Variants in GALNT13 observed in about 807,000 individuals in gnomAD.
The protein encoded by GALNT13 is polypeptide N-acetylgalactosaminyltransferase 13.
GALNT13 carries 28 observed loss-of-function variants against 64.2 expected under a neutral mutation model. The ratio of observed to expected loss-of-function variants is 0.44; its 90% confidence interval spans 0.32 to 0.60. GALNT13 has a LOEUF of 0.60. Among genes scored for constraint, GALNT13 ranks in the 20% least tolerant of loss-of-function variants. GALNT13 has a pLI of 0.05. For missense variants in GALNT13, 577 were observed against 669.8 expected, an observed-to-expected ratio of 0.86 and a Z score of 1.53; for synonymous variants, 214 against 224.6, an observed-to-expected ratio of 0.95 and a Z score of 0.42.
intron 8 of GALNT13, among the ~76,000 whole-genome samples, chr2:154,288,974 A>G (rs1692444026): frequency 1.3e-5 from 2 of 152,200 alleles, no homozygotes. Flanking sequence ...TGCACCCCAC[A>G]TTTCCCTTCC....
intron 11 of GALNT13, among the ~76,000 whole-genome samples, chr2:154,417,509 A>ATTTTTTTTTTTT (rs1202687837): frequency 3.7e-5 from 5 of 133,400 alleles, no homozygotes; most frequent in East Asian, 4.8e-4. Context: ...TTATTTATTT[A>ATTTTTTTTTTTT]TTTATTTATT....
At chr2:154,456,026 A>G (rs1702027858), downstream of GALNT13, among the ~76,000 whole-genome samples, 1 of 152,194 alleles carries the variant, frequency 6.6e-6, no homozygotes, top group South Asian at 2.1e-4. Context: ...TGAGATTTTC[A>G]TCATGCATTC....
chr2:154,106,157 G>A (rs72621672), intron 3 of GALNT13, among the ~76,000 whole-genome samples: 13,064 of 152,062 alleles, frequency 0.086, 1,487 homozygotes, highest in East Asian at 0.61. Flanking sequence ...TTTTAGCATG[G>A]TATTTTTGTA....
At chr2:153,809,385 C>G in the GALNT13 span, among the ~76,000 whole-genome samples, 4 of 152,228 alleles carry the variant, frequency 2.6e-5, no homozygotes, top group African/African-American at 9.6e-5. Context: ...AATATTACAG[C>G]TCTGGGTGGC....
At chr2:153,891,338 C>G (rs1687539461) in intron 1 of GALNT13, among the ~76,000 whole-genome samples, 1 of 151,960 alleles carries the variant, frequency 6.6e-6, no homozygotes, top group Admixed American at 6.6e-5. Flanking sequence ...TTTCTACTTG[C>G]TATAAGAATG....
chr2:153,871,617 C>G (rs934349357), upstream of GALNT13, among the ~76,000 whole-genome samples: 3 of 152,196 alleles, frequency 2.0e-5, no homozygotes, highest in East Asian at 3.9e-4. Context: ...AGGCGCCCTC[C>G]GGCGAGAGGA....
At chr2:153,423,360 A>G in the GALNT13 span, 1 of 151,856 alleles carries the variant, frequency 6.6e-6, no homozygotes, top group Non-Finnish European at 1.5e-5. Flanking sequence ...AAGGGACCCT[A>G]TTTAATATGA....
intron 8 of GALNT13, among the ~76,000 whole-genome samples, chr2:154,289,277 A>T (rs186367426): frequency 1.3e-5 from 2 of 152,174 alleles, no homozygotes; most frequent in Non-Finnish European, 2.9e-5. Flanking sequence ...GGGCTGGCCT[A>T]TGAAAAATTT....
At chr2:153,085,966 C>A in the GALNT13 span, among the ~76,000 whole-genome samples, 1 of 152,202 alleles carries the variant, frequency 6.6e-6, no homozygotes, top group African/African-American at 2.4e-5. Context: ...GCCATGGGAG[C>A]CGCCTCTTGC....
At chr2:153,436,318 G>C in the GALNT13 span, among the ~76,000 whole-genome samples, 63 of 152,108 alleles carry the variant, frequency 4.1e-4, no homozygotes, top group Admixed American at 8.5e-4. Flanking sequence ...GCCAGACTTT[G>C]GTATCAGGAT....
the GALNT13 span, among the ~76,000 whole-genome samples, chr2:153,830,812 T>G: frequency 6.6e-6 from 1 of 152,190 alleles, no homozygotes; most frequent in African/African-American, 2.4e-5. Flanking sequence ...TTATACATTA[T>G]ATCTAATCAA....
chr2:153,497,940 ATGTTGCTT>A, the GALNT13 span, among the ~76,000 whole-genome samples: 1 of 152,224 alleles, frequency 6.6e-6, no homozygotes, highest in African/African-American at 2.4e-5. Context: ...AAAAATGAGA[ATGTTGCTT>A]TGTAGGTTAA....
chr2:154,222,372 T>C (rs1317042723), intron 4 of GALNT13, among the ~76,000 whole-genome samples: 1 of 152,178 alleles, frequency 6.6e-6, no homozygotes, highest in African/African-American at 2.4e-5. Flanking sequence ...TCATTGAAAC[T>C]ATATTCTGAT....
chr2:154,068,460 C>A, intron 3 of GALNT13, among the ~76,000 whole-genome samples: 1 of 151,818 alleles, frequency 6.6e-6, no homozygotes, highest in East Asian at 1.9e-4. Context: ...GTGGAAGCAA[C>A]CTAAGTGCTC....
chr2:153,394,501 A>G, the GALNT13 span, among the ~76,000 whole-genome samples: 2,316 of 152,218 alleles, frequency 0.015, 55 homozygotes, highest in African/African-American at 0.052. Flanking sequence ...AATCTAGGCT[A>G]TACAAATGCT....
rs1287997863 is a variant in GALNT13, at chr2:154,338,022, C to A, written c.1156+36433C>A. ...CTCAGGTTATAACAGGCAGTTTCAG[C>A]AGCCAGACTTGCAGAGAATTTCTTT... On this transcript the variant is annotated intron_variant, in intron 9 of 12. Transcript: ENST00000392825. Among the ~76,000 whole-genome samples the A allele has an allele frequency of 2.1e-4, 32 of 152,134 alleles. 1 individual carries two copies. The highest frequency in any genetic ancestry group is 2.0e-3 in the Admixed American group (30 of 15,266).
the GALNT13 span, among the ~76,000 whole-genome samples, chr2:153,422,540 A>C: frequency 6.6e-6 from 1 of 152,176 alleles, no homozygotes; most frequent in Admixed American, 6.6e-5. Flanking sequence ...TCTTAGGCTA[A>C]GTGCTCTTAT....
At chr2:153,970,588 T>C (rs916848401) in intron 3 of GALNT13, among the ~76,000 whole-genome samples, 11 of 152,198 alleles carry the variant, frequency 7.2e-5, no homozygotes, top group African/African-American at 2.7e-4. Flanking sequence ...ATAGCCATGT[T>C]ATACTCCTCT....
At position 154,439,167 on chromosome 2, in the gene GALNT13, T is replaced by C. The variant is rs375884406; in HGVS notation, c.1530+441T>C. Among the ~76,000 whole-genome samples, 5 of 152,326 alleles carry C rather than the reference T, an allele frequency of 3.3e-5. 1 individual carries two copies. Among genetic ancestry groups the C allele is most frequent in the African/African-American group, 1.2e-4 (5 of 41,580 alleles). On this transcript the variant is annotated intron_variant, in intron 12 of 12. Transcript: ENST00000392825. Reference sequence around the variant, plus strand: ...TATCTGACAAGATTAACAAGATTTCTTTACTGTTTACAGTTGTAAATATTT... The same window carrying C: ...TATCTGACAAGATTAACAAGATTTCCTTACTGTTTACAGTTGTAAATATTT...
Sources: gnomAD v4.1 joint callset for allele counts (sites outside exome capture counted in the v4.1 genomes callset) on GRCh38, gnomAD v4.1.1 for gene constraint, MANE v1.5 for transcripts, NCBI Gene and HGNC (gene_info 2026-07-23, HGNC 2026-07-21) for gene names.